Variants in TRAK2 observed in about 807,000 individuals in gnomAD.
The protein encoded by TRAK2 is trafficking kinesin protein 2, also known as trafficking kinesin-binding protein 2.
In TRAK2, 81 loss-of-function variants were observed where a neutral mutation model predicts 104.6. The observed-to-expected ratio is 0.77, with a 90% CI of 0.65 to 0.93. The LOEUF (loss-of-function observed/expected upper bound fraction) is 0.93, where lower values mean the gene tolerates loss of function less well. TRAK2 is among the 40% of genes least tolerant of loss of function. The pLI, the probability that TRAK2 is intolerant of heterozygous loss-of-function variation, is 0.00. For missense variants in TRAK2, 1,002 were observed against 1,089.0 expected (o/e 0.92, Z 1.12); for synonymous variants, 406 against 394.4 (o/e 1.03, Z -0.35).
In TRAK2 at chr2:201,380,904, C is replaced by T. The variant is rs752231436; in HGVS notation, c.2384G>A (p.Arg795Gln). 5.6e-6 allele frequency: 9 copies of T among 1,613,806 alleles called. No individual in the cohort carries two copies. The highest frequency in any genetic ancestry group is 5.0e-5 in the Admixed American group (3 of 59,946). The change falls in exon 16 of 16, where the codon CGA becomes CAA. Residue 795 changes from arginine (R) to glutamine (Q), a missense_variant. Arg to Gln is a conservative substitution (Grantham distance 43). Transcript: ENST00000332624. Reference sequence around the variant, plus strand: ...CAAAAAATTTTCAGAGAGATGCACTCGAGGCTCAAAGGGTAAAGGAGAAGG... The same window carrying T: ...CAAAAAATTTTCAGAGAGATGCACTTGAGGCTCAAAGGGTAAAGGAGAAGG... Reference protein sequence around the residue: ...PCPSPLPFEPRVHLSENFLAS... With the variant: ...PCPSPLPFEPQVHLSENFLAS...
At chr2:201,434,576 AAGAC>A (rs1951868117) in intron 1 of TRAK2, among the ~76,000 whole-genome samples, 1 of 152,252 alleles carries the variant, frequency 6.6e-6, no homozygotes, top group East Asian at 1.9e-4. Context: ...AAGGATTTAT[AAGAC>A]CATATAAAGA....
intron 2 of TRAK2, among the ~76,000 whole-genome samples, chr2:201,417,309 T>C (rs1408586842): frequency 1.4e-5 from 2 of 144,622 alleles, no homozygotes; most frequent in Non-Finnish European, 3.0e-5. Flanking sequence ...TTAATGGGAC[T>C]AGGAAGGACA....
intron 1 of TRAK2, among the ~76,000 whole-genome samples, chr2:201,426,702 T>A (rs1951791792): frequency 6.6e-6 from 1 of 152,182 alleles, no homozygotes; most frequent in African/African-American, 2.4e-5. Flanking sequence ...ATCTAAAGAA[T>A]CATGCCAGAA....
chr2:201,429,904 C>T (rs1951826656), intron 1 of TRAK2, among the ~76,000 whole-genome samples: 1 of 152,170 alleles, frequency 6.6e-6, no homozygotes, highest in Non-Finnish European at 1.5e-5. Context: ...GAGATGCATT[C>T]CTTTGGAAGA....
intron 2 of TRAK2, chr2:201,419,106 T>C (rs187499166): frequency 6.6e-6 from 1 of 152,140 alleles, no homozygotes; most frequent in Non-Finnish European, 1.5e-5. Flanking sequence ...AGTAAGCACA[T>C]GAAAAGGTGC....
rs189899405 is a variant in TRAK2 at position 201,385,306 on chromosome 2, T to C, written c.1963+912A>G. ...AATCAAGCATGGCTCAAAGATATATTCAAAATGTAGGATACGACCAATGCA... is the reference window on the plus strand; with the variant it reads ...AATCAAGCATGGCTCAAAGATATATCCAAAATGTAGGATACGACCAATGCA... On this transcript the variant is annotated intron_variant, in intron 14 of 15. Transcript: ENST00000332624. 3.0e-4 allele frequency among the ~76,000 whole-genome samples: 45 copies of C among 152,240 alleles called. No individual in the cohort carries two copies. In the East Asian group the frequency reaches 6.2e-3, roughly 21 times the overall value.
At chr2:201,407,331 T>C (rs572178765) in intron 3 of TRAK2, 72 bp downstream of exon 3, 17 of 1,373,562 alleles carry the variant, frequency 1.2e-5, no homozygotes, top group Non-Finnish European at 1.7e-5. Context: ...ATCAGTGCTT[T>C]AAAAATCAAT....
chr2:201,445,942 T>A (rs569083673), intron 1 of TRAK2, among the ~76,000 whole-genome samples: 2 of 152,218 alleles, frequency 1.3e-5, no homozygotes, highest in African/African-American at 2.4e-5. Flanking sequence ...CATTTACGCA[T>A]GGATTATTTT....
rs185727570 is a variant in TRAK2 at position 201,412,833 on chromosome 2, C to G, written c.92-5236G>C. ...GCAAGAATGACAATCCTTTAGAAACCTGAAGCAAACCACATTTGGTTTCTA... is the reference window on the plus strand; with the variant it reads ...GCAAGAATGACAATCCTTTAGAAACGTGAAGCAAACCACATTTGGTTTCTA... On this transcript the variant is annotated intron_variant, in intron 2 of 15. Coordinates refer to ENST00000332624, the MANE Select transcript of TRAK2 (RefSeq NM_015049.3). 2.7e-4 allele frequency: 237 copies of G among 873,574 alleles called. No homozygotes were observed. The East Asian group carries it at 5.2e-3, about 19-fold the overall frequency. The allele number at this position is 873,574 out of a possible 1,614,324, so 54.1% of individuals were successfully genotyped here. A position where few individuals can be genotyped will look rare whatever the true frequency, so the allele number is the denominator to read the frequency against.
intron 9 of TRAK2, 43 bp downstream of exon 9, chr2:201,394,754 CA>C: frequency 6.9e-7 from 1 of 1,445,772 alleles, no homozygotes; most frequent in Non-Finnish European, 9.6e-7. Flanking sequence ...AGAAACTAGT[CA>C]CTCTTTCCCC....
At position 201,388,031 on chromosome 2, in the gene TRAK2, T is replaced by A. The variant is rs1476819561; in HGVS notation, c.1398-30A>T. On this transcript the variant is annotated intron_variant, in intron 12 of 15. Transcript: ENST00000332624. The stretch of plus-strand genomic sequence containing the variant: ...AGGAAAATCGCGTTCACTGATTAGA[T>A]CTTGAGGATCATCAGCATGACCCAG... 3 of 1,609,778 alleles carry A rather than the reference T, an allele frequency of 1.9e-6. No individual in the cohort carries two copies. The South Asian group carries it at 3.3e-5, about 18-fold the overall frequency.
intron 1 of TRAK2, among the ~76,000 whole-genome samples, chr2:201,449,988 C>T (rs953704116): frequency 2.6e-5 from 4 of 151,960 alleles, no homozygotes; most frequent in African/African-American, 9.7e-5. Flanking sequence ...CCACAGCGCC[C>T]GGCCAAATGT....
intron 1 of TRAK2, among the ~76,000 whole-genome samples, chr2:201,439,443 A>C (rs950515667): frequency 1.3e-5 from 2 of 152,104 alleles, no homozygotes; most frequent in Non-Finnish European, 2.9e-5. Context: ...ATTGATGGTA[A>C]GATGTTTTCC....
At position 201,420,700 on chromosome 2, in the gene TRAK2, T is replaced by C; in HGVS notation, c.-193A>G. 2.0e-6 allele frequency: 1 copy of C among 510,808 alleles called. No homozygotes were observed. Among genetic ancestry groups the C allele is most frequent in the South Asian group, 2.7e-5 (1 of 36,594 alleles). 31.6% of individuals were successfully genotyped at this position (510,808 alleles called of 1,614,324 possible). A position where few individuals can be genotyped will look rare whatever the true frequency, so the allele number is the denominator to read the frequency against. On this transcript the variant is annotated 5_prime_UTR_variant, in exon 2 of 16. Transcript: ENST00000332624. ...CATGTGATTATCATACTTTGGACAG[T>C]CATGACCTAAAACAAAAACATCAAG... is the stretch of plus-strand genomic sequence containing the variant.
At chr2:201,411,931 G>C in intron 2 of TRAK2, 1 of 1,012,110 alleles carries the variant, frequency 9.9e-7, no homozygotes. Flanking sequence ...AGAGCTCCTG[G>C]TATTGAATGG....
At chr2:201,434,237 G>A (rs1375050050) in intron 1 of TRAK2, among the ~76,000 whole-genome samples, 10 of 152,118 alleles carry the variant, frequency 6.6e-5, no homozygotes, top group Admixed American at 6.5e-4. Context: ...GATTACAGGC[G>A]TGAGCCACTG....
chr2:201,409,369 T>C (rs1292711657), intron 2 of TRAK2, among the ~76,000 whole-genome samples: 1 of 152,214 alleles, frequency 6.6e-6, no homozygotes, highest in African/African-American at 2.4e-5. Flanking sequence ...GTTTAATTCT[T>C]ACAAATCTCC....
chr2:201,398,750 T>C (rs1283759000), intron 5 of TRAK2, among the ~76,000 whole-genome samples: 2 of 152,116 alleles, frequency 1.3e-5, no homozygotes, highest in African/African-American at 4.8e-5. Context: ...CATAAGGGCT[T>C]GTAATTTTAA....
At chr2:201,412,761 T>C (rs1002832608) in intron 2 of TRAK2, 3 of 1,303,168 alleles carry the variant, frequency 2.3e-6, no homozygotes, top group Non-Finnish European at 3.3e-6. Flanking sequence ...TATTCAAAAT[T>C]GTATTTTCAG....
Sources: gnomAD v4.1 joint callset for allele counts (sites outside exome capture counted in the v4.1 genomes callset) on GRCh38, gnomAD v4.1.1 for gene constraint, MANE v1.5 for transcripts, NCBI Gene and HGNC (gene_info 2026-07-23, HGNC 2026-07-21) for gene names.